The following EPRS1 variants were observed in gnomAD, a reference collection of about 807,000 sequenced individuals.
EPRS1 encodes glutamyl-prolyl-tRNA synthetase 1.
Under a neutral mutation model 188.3 loss-of-function variants are expected in EPRS1, and 107 were observed. The observed-to-expected ratio is 0.57, with a 90% CI of 0.49 to 0.67. The LOEUF (loss-of-function observed/expected upper bound fraction) is 0.67. Among genes scored for constraint, EPRS1 ranks in the 30% least tolerant of loss-of-function variants. The pLI is 0.00. For synonymous variants in EPRS1, 596 were observed against 593.1 expected (o/e 1.00, Z -0.07); for missense variants, 1,577 against 1,802.2 (o/e 0.88, Z 2.26).
chr1:219,978,972 T>C (rs1290662071), intron 27 of EPRS1, among the ~76,000 whole-genome samples: 3 of 143,970 alleles, frequency 2.1e-5, no homozygotes, highest in Non-Finnish European at 4.6e-5. Flanking sequence ...ATATTTTTTT[T>C]TCCCCCCCAG....
In EPRS1 at chr1:219,974,602, T is replaced by C. The variant is rs187563263; in HGVS notation, c.4084-1204A>G. Among the ~76,000 whole-genome samples the C allele has an allele frequency of 6.6e-4, 100 of 152,158 alleles. 1 individual carries two copies. In the Middle Eastern group the frequency reaches 0.01, roughly 16 times the overall value. ...ACAGGTGGTCACCCCAAAAATGCCATAGGAAAAATTTTAAATATTACTCTA... is the reference window on the plus strand; with the variant it reads ...ACAGGTGGTCACCCCAAAAATGCCACAGGAAAAATTTTAAATATTACTCTA... On this transcript the variant is annotated intron_variant, in intron 28 of 31. Coordinates refer to ENST00000366923, the MANE Select transcript of EPRS1 (RefSeq NM_004446.3).
At chr1:219,991,451 G>C (rs1486456448) in intron 18 of EPRS1, among the ~76,000 whole-genome samples, 1 of 152,134 alleles carries the variant, frequency 6.6e-6, no homozygotes, top group Non-Finnish European at 1.5e-5. Context: ...TGAAAGCAGA[G>C]ATTCTCACTT....
intron 20 of EPRS1, among the ~76,000 whole-genome samples, chr1:219,985,425 C>T (rs1295970597): frequency 6.6e-6 from 1 of 152,030 alleles, no homozygotes; most frequent in East Asian, 1.9e-4. Context: ...AACAGTCTCA[C>T]CCCATCGCCC....
chr1:220,006,732 C>T (rs940019809), intron 14 of EPRS1, among the ~76,000 whole-genome samples: 1 of 152,140 alleles, frequency 6.6e-6, no homozygotes, highest in African/African-American at 2.4e-5. Flanking sequence ...ATAAATCAGT[C>T]TTAAGCATAC....
At chr1:220,001,505 C>A (rs995963274) in intron 16 of EPRS1, among the ~76,000 whole-genome samples, 8 of 152,102 alleles carry the variant, frequency 5.3e-5, no homozygotes, top group African/African-American at 1.9e-4. Flanking sequence ...GCTGGGATTA[C>A]CAGCCACATG....
At chr1:219,980,333 GA>G in intron 25 of EPRS1, 93 bp from the exon 26 acceptor site, 3 of 943,712 alleles carry the variant, frequency 3.2e-6, no homozygotes, top group Non-Finnish European at 4.7e-6. Flanking sequence ...AATTGTGTGG[GA>G]AAAGCAATCT....
At chr1:220,017,619 C>T (rs1401860043) in intron 12 of EPRS1, among the ~76,000 whole-genome samples, 1 of 152,108 alleles carries the variant, frequency 6.6e-6, no homozygotes, top group South Asian at 2.1e-4. Flanking sequence ...GACATCAGCA[C>T]CATCAAGCAG....
chr1:220,032,126 G>C (rs891980547), intron 5 of EPRS1, among the ~76,000 whole-genome samples: 22 of 151,810 alleles, frequency 1.4e-4, no homozygotes, highest in Admixed American at 3.9e-4. Flanking sequence ...CCAGGCAGGA[G>C]TGCAGTGGCG....
chr1:220,018,181 T>TA (rs758991063), intron 12 of EPRS1: 3 of 1,408,996 alleles, frequency 2.1e-6, no homozygotes, highest in Non-Finnish European at 2.8e-6. Flanking sequence ...AGAGTGTTCA[T>TA]AAAAAATTTA....
chr1:219,981,465 A>G lies in EPRS1; in HGVS notation c.3374-8T>C. ...CATATGCAGGATACATTACTGAAAG[A>G]CACGGGAAAATAGAGACAGTCATTT... On this transcript the variant is annotated splice_polypyrimidine_tract_variant and splice_region_variant and intron_variant, in intron 23 of 31. Transcript: ENST00000366923. 4 of 1,573,842 alleles carry G rather than the reference A, an allele frequency of 2.5e-6. No homozygotes were observed. Among genetic ancestry groups the G allele is most frequent in the Non-Finnish European group, 3.5e-6 (4 of 1,154,622 alleles).
chr1:220,030,820 G>A (rs1033606651), intron 5 of EPRS1, among the ~76,000 whole-genome samples: 3 of 152,084 alleles, frequency 2.0e-5, no homozygotes, highest in East Asian at 1.9e-4. Flanking sequence ...TGCTAGGCAC[G>A]GTGGTTCATG....
chr1:220,029,976 A>G (rs1460170284), intron 6 of EPRS1, among the ~76,000 whole-genome samples: 7 of 152,110 alleles, frequency 4.6e-5, no homozygotes, highest in Admixed American at 6.5e-5. Context: ...TCACTTGGGG[A>G]AAAAAAATAA....
chr1:219,983,447 T>C (rs777925548), intron 21 of EPRS1, 49 bp from the exon 22 acceptor site: 6 of 1,346,070 alleles, frequency 4.5e-6, no homozygotes, highest in Middle Eastern at 2.0e-4. Flanking sequence ...ACCAAAATTC[T>C]AGTATAAGTG....
At chr1:220,024,978 C>T in intron 7 of EPRS1, 154 bp downstream of exon 7, 1 of 713,878 alleles carries the variant, frequency 1.4e-6, no homozygotes, top group Admixed American at 2.4e-5. Flanking sequence ...GGGAGCTCGA[C>T]ATTTCTTGGC....
intron 12 of EPRS1, among the ~76,000 whole-genome samples, chr1:220,014,551 A>G (rs1300838632): frequency 6.6e-6 from 1 of 152,190 alleles, no homozygotes; most frequent in Non-Finnish European, 1.5e-5. Context: ...TGAATGTATG[A>G]TAGTAGATTT....
intron 12 of EPRS1, among the ~76,000 whole-genome samples, chr1:220,013,940 CTCA>C (rs1429625055): frequency 1.3e-5 from 2 of 152,170 alleles, no homozygotes; most frequent in Admixed American, 6.6e-5. Context: ...ACTGAAAATA[CTCA>C]TCAACTTTCA....
chr1:219,998,561 T>TTTG (rs397825481), intron 17 of EPRS1, among the ~76,000 whole-genome samples: 7 of 151,524 alleles, frequency 4.6e-5, no homozygotes, highest in Non-Finnish European at 8.8e-5. Flanking sequence ...TTTTTTTTTT[T>TTTG]GAGACAGTGT....
At chr1:220,029,304 G>T (rs760530445) in intron 6 of EPRS1, among the ~76,000 whole-genome samples, 8 of 152,068 alleles carry the variant, frequency 5.3e-5, no homozygotes, top group Admixed American at 1.3e-4. Context: ...TAACGATCAA[G>T]TCTGTGAATT....
intron 13 of EPRS1, 140 bp from the exon 14 acceptor site, chr1:220,007,478 T>C (rs1160420640): frequency 1.0e-5 from 7 of 689,258 alleles, no homozygotes; most frequent in Non-Finnish European, 1.6e-5. Context: ...ATTGCTGTAT[T>C]AGGAAGAAAA....
Sources: gnomAD v4.1 joint callset for allele counts (sites outside exome capture counted in the v4.1 genomes callset) on GRCh38, gnomAD v4.1.1 for gene constraint, MANE v1.5 for transcripts, NCBI Gene and HGNC (gene_info 2026-07-23, HGNC 2026-07-21) for gene names.